UBXN2A: variants seen among roughly 807,000 people sequenced by gnomAD.
UBXN2A encodes UBX domain-containing protein 2A.
A neutral mutation model predicts 28.4 loss-of-function variants in UBXN2A; 28 were observed. The observed-to-expected ratio is 0.99, with a 90% CI of 0.73 to 1.35. The LOEUF is 1.35. Among genes scored for constraint, UBXN2A ranks in the 40% most tolerant of loss-of-function variants. The probability of loss-of-function intolerance (pLI) is 0.00; values close to 1 mark genes in which losing one functional copy is unlikely to be tolerated. For missense variants in UBXN2A, 253 were observed against 297.9 expected (o/e 0.85, Z 1.11); for synonymous variants, 97 against 103.6 (o/e 0.94, Z 0.39).
In UBXN2A at chr2:23,967,320, G is replaced by A. The variant is rs182823121; in HGVS notation, c.42-3956G>A. Among the ~76,000 whole-genome samples, 33 of 152,248 alleles carry A rather than the reference G, an allele frequency of 2.2e-4. No individual in the cohort carries two copies. In the East Asian group the frequency reaches 4.4e-3, roughly 20 times the overall value. On this transcript the variant is annotated intron_variant, in intron 2 of 6. Transcript: ENST00000309033. ...AAGGAATGAAATTTCAGCTACTCTG[G>A]ATGCTCAGCTTTATTGGCTTTGTAT...
upstream of UBXN2A, among the ~76,000 whole-genome samples, chr2:23,938,086 G>A (rs945349302): frequency 2.6e-5 from 4 of 152,064 alleles, no homozygotes; most frequent in Non-Finnish European, 5.9e-5. Context: ...GTTATGTGGC[G>A]CACGACTATA....
upstream of UBXN2A, chr2:23,940,308 C>G (rs976143854): frequency 2.0e-5 from 3 of 151,932 alleles, no homozygotes; most frequent in Admixed American, 6.5e-5. Flanking sequence ...CCCATGAAGG[C>G]AGCTAGCCGC....
rs1347168200 is a variant in UBXN2A, at chr2:23,944,267, A to C, written c.-15+3619A>C. ...AACACTTGATGTGGGACCTAGGAAAAGGCCTGAAGATTCCCCAGCTATACC... is the reference window on the plus strand; with the variant it reads ...AACACTTGATGTGGGACCTAGGAAACGGCCTGAAGATTCCCCAGCTATACC... On this transcript the variant is annotated intron_variant, in intron 1 of 6. Transcript: ENST00000309033. The C allele has an allele frequency of 2.5e-6, 4 of 1,603,916 alleles. No homozygotes were observed. The African/African-American group carries it at 5.4e-5, about 21-fold the overall frequency.
At chr2:23,970,265 CAGAG>C (rs1490417793) in intron 2 of UBXN2A, among the ~76,000 whole-genome samples, 1 of 152,182 alleles carries the variant, frequency 6.6e-6, no homozygotes, top group Non-Finnish European at 1.5e-5. Flanking sequence ...GCCTGCACGA[CAGAG>C]AGGGACCTTG....
intron 4 of UBXN2A, among the ~76,000 whole-genome samples, chr2:23,979,423 A>G (rs1185645098): frequency 6.6e-6 from 1 of 152,116 alleles, no homozygotes; most frequent in Non-Finnish European, 1.5e-5. Context: ...GTTGAATTTC[A>G]TTTTATCATT....
rs139665135 is a variant in UBXN2A at position 23,976,742 on chromosome 2, A to G, written c.181-227A>G. On this transcript the variant is annotated intron_variant, in intron 3 of 6. Coordinates refer to ENST00000309033, the MANE Select transcript of UBXN2A (RefSeq NM_181713.4). ...TTTGGTGAGGACACAGCCAAACCAT[A>G]TCAATGATTTTGATTTTTTGTGGAA... is the stretch of plus-strand genomic sequence containing the variant. Among the ~76,000 whole-genome samples, 17 of 152,264 alleles carry G rather than the reference A, an allele frequency of 1.1e-4. No individual in the cohort carries two copies. In the East Asian group the frequency reaches 2.3e-3, roughly 21 times the overall value.
intron 1 of UBXN2A, chr2:23,944,427 C>T (rs1284508057): frequency 3.0e-6 from 3 of 1,008,072 alleles, no homozygotes; most frequent in African/African-American, 3.1e-5. Context: ...GTCTTATCTC[C>T]ACCCTGGGAA....
chr2:23,997,385 A>T (rs1708580715), intron 6 of UBXN2A, among the ~76,000 whole-genome samples: 1 of 152,340 alleles, frequency 6.6e-6, no homozygotes, highest in East Asian at 1.9e-4. Context: ...AATTTACATA[A>T]GCACATCTGA....
intron 6 of UBXN2A, among the ~76,000 whole-genome samples, chr2:23,996,214 G>A (rs529033975): frequency 1.3e-5 from 2 of 148,170 alleles, no homozygotes; most frequent in Non-Finnish European, 1.5e-5. Flanking sequence ...CTACAGGCGC[G>A]TGCCACCATG....
intron 1 of UBXN2A, 76 bp downstream of exon 1, chr2:23,940,724 G>A (rs969965023): frequency 1.3e-5 from 2 of 151,898 alleles, no homozygotes; most frequent in African/African-American, 4.8e-5. Context: ...CTGGGGCCGA[G>A]GGGTCGCGGC....
At chr2:23,972,098 G>A (rs985317211) in intron 3 of UBXN2A, among the ~76,000 whole-genome samples, 3 of 151,908 alleles carry the variant, frequency 2.0e-5, no homozygotes, top group East Asian at 2.0e-4. Context: ...GACCCTGACT[G>A]ATAAGGTAAG....
At chr2:23,950,618 G>A (rs1246421697) in intron 1 of UBXN2A, among the ~76,000 whole-genome samples, 2 of 151,734 alleles carry the variant, frequency 1.3e-5, no homozygotes, top group East Asian at 3.9e-4. Flanking sequence ...TGGCTGGGTT[G>A]GTCTCGAACT....
intron 1 of UBXN2A, among the ~76,000 whole-genome samples, chr2:23,949,538 A>G (rs1466680811): frequency 2.0e-5 from 3 of 151,574 alleles, no homozygotes; most frequent in African/African-American, 7.3e-5. Context: ...ACAGAGCAAG[A>G]CTTCATCTCA....
At chr2:23,959,467 G>A (rs1481709892) in intron 2 of UBXN2A, among the ~76,000 whole-genome samples, 2 of 152,046 alleles carry the variant, frequency 1.3e-5, no homozygotes, top group Admixed American at 1.3e-4. Context: ...ACTCCAGCCT[G>A]GGTGACAGAG....
intron 2 of UBXN2A, among the ~76,000 whole-genome samples, chr2:23,962,540 G>A (rs1330037768): frequency 6.6e-6 from 1 of 151,338 alleles, no homozygotes; most frequent in Admixed American, 6.6e-5. Context: ...TCATGCTGCT[G>A]ATAAAGACAT....
At chr2:23,992,259 C>A (rs1398172686) in intron 6 of UBXN2A, among the ~76,000 whole-genome samples, 1 of 152,056 alleles carries the variant, frequency 6.6e-6, no homozygotes, top group Non-Finnish European at 1.5e-5. Context: ...CATGAGCCAC[C>A]GCGCCCAGCC....
At chr2:23,979,221 G>A (rs1414733295) in intron 4 of UBXN2A, among the ~76,000 whole-genome samples, 1 of 151,324 alleles carries the variant, frequency 6.6e-6, no homozygotes, top group Non-Finnish European at 1.5e-5. Context: ...GCAGGCGCCT[G>A]TAATCCCAGC....
chr2:23,933,116 A>G (rs1394697253), intron 1 of UBXN2A, among the ~76,000 whole-genome samples: 1 of 151,424 alleles, frequency 6.6e-6, no homozygotes, highest in Non-Finnish European at 1.5e-5. Flanking sequence ...AAAAAATAAA[A>G]TTAAATTAAA....
rs111867398 is a variant in UBXN2A at position 23,989,764 on chromosome 2, G to A, written c.584+4933G>A. On this transcript the variant is annotated intron_variant, in intron 6 of 6. Transcript: ENST00000309033. Reference sequence around the variant, plus strand: ...CAAAAAACACAAAAAGTTGCCAGACGTGGTGGCACTCACCTGTGGTCTCAG... The same window carrying A: ...CAAAAAACACAAAAAGTTGCCAGACATGGTGGCACTCACCTGTGGTCTCAG... Among the ~76,000 whole-genome samples, 668 of 152,106 alleles carry A rather than the reference G, an allele frequency of 4.4e-3. 9 individuals are homozygous for A. The highest frequency in any genetic ancestry group is 0.014 in the African/African-American group (574 of 41,540).
Sources: allele counts gnomAD v4.1 joint callset (sites outside exome capture counted in the v4.1 genomes callset), GRCh38; gene constraint gnomAD v4.1.1; transcripts MANE v1.5; gene names NCBI Gene and HGNC (gene_info 2026-07-23, HGNC 2026-07-21).